ASIC2: variants seen among roughly 807,000 people sequenced by gnomAD.
ASIC2 encodes acid sensing ion channel subunit 2, also known as acid-sensing ion channel 2.
In ASIC2, 25 loss-of-function variants were observed where a neutral mutation model predicts 57.3. The observed-to-expected ratio is 0.44, with a 90% CI of 0.32 to 0.61. ASIC2 has a LOEUF of 0.61. ASIC2 is among the 20% of genes least tolerant of loss of function. The pLI is 0.06. For synonymous variants in ASIC2, 319 were observed against 307.5 expected (o/e 1.04, Z -0.39); for missense variants, 641 against 738.1 (o/e 0.87, Z 1.52).
In ASIC2 at chr17:33,344,996, AAAAC is replaced by A. The variant is rs529710794; in HGVS notation, c.556-232933_556-232930del. Among the ~76,000 whole-genome samples the A allele has an allele frequency of 1.1e-3, 175 of 152,262 alleles. 1 individual carries two copies. Among genetic ancestry groups the A allele is most frequent in the African/African-American group, 3.9e-3 (163 of 41,542 alleles). ...CAAACCAAAAGAACATTTCTAAAGC[AAAAC>A]AAACAAAGTTTAAAAAGAACTTTCC... On this transcript the variant is annotated intron_variant, in intron 1 of 9. Transcript: ENST00000359872.
chr17:33,606,691 CATGAATGAATGA>C (rs766008841), intron 1 of ASIC2, among the ~76,000 whole-genome samples: 1 of 152,218 alleles, frequency 6.6e-6, no homozygotes, highest in South Asian at 2.1e-4. Flanking sequence ...TTTACTGATT[CATGAATGAATGA>C]ATGAATGAAT....
chr17:33,283,084 T>C (rs761431499), intron 1 of ASIC2, among the ~76,000 whole-genome samples: 8 of 152,230 alleles, frequency 5.3e-5, no homozygotes, highest in Non-Finnish European at 8.8e-5. Context: ...CTGTTAACCC[T>C]GCTCTGGTGT....
chr17:33,669,359 C>G (rs1246864232), intron 1 of ASIC2, among the ~76,000 whole-genome samples: 1 of 152,112 alleles, frequency 6.6e-6, no homozygotes, highest in Non-Finnish European at 1.5e-5. Context: ...TTCACATGAG[C>G]AAAGTCCAAG....
chr17:33,014,009 G>A lies in ASIC2; in HGVS notation c.1648C>T (p.Pro550Ser), dbSNP rs375691699. Residue 550 changes from proline to serine, a missense_variant, in exon 10 of 10, where the codon CCC becomes TCC. By Grantham distance (74) the Pro-to-Ser change is moderately conservative. Around this residue, in one of 3 missense-constraint regions of ASIC2, gnomAD observed 252 missense variants for 319.8 expected, o/e 0.79. Coordinates refer to ENST00000225823, the MANE Select transcript of ASIC2 (RefSeq NM_183377.2). The part of the protein sequence containing the change: ...SETISHTVNV[P>S]LQTTLGTLEE... Reference sequence around the variant, plus strand: ...AAGGTCCCCAGGGTCGTCTGCAGGGGCACGTTCACAGTGTGACTGATGGTT... The same window carrying A: ...AAGGTCCCCAGGGTCGTCTGCAGGGACACGTTCACAGTGTGACTGATGGTT... 7.5e-5 allele frequency: 121 copies of A among 1,604,808 alleles called. No individual in the cohort carries two copies. Among genetic ancestry groups the A allele is most frequent in the Non-Finnish European group, 9.9e-5 (116 of 1,175,536 alleles).
chr17:33,895,025 G>A (rs1045977529), intron 1 of ASIC2, among the ~76,000 whole-genome samples: 1 of 152,130 alleles, frequency 6.6e-6, no homozygotes. Context: ...TTGACGTTGC[G>A]CTGCTGGGTT....
intron 1 of ASIC2, among the ~76,000 whole-genome samples, chr17:33,687,525 T>C (rs1325929048): frequency 6.6e-6 from 1 of 152,164 alleles, no homozygotes; most frequent in Non-Finnish European, 1.5e-5. Flanking sequence ...TGGTTGGAAG[T>C]CCCTGGTATT....
intron 1 of ASIC2, among the ~76,000 whole-genome samples, chr17:33,225,512 T>A (rs922397372): frequency 4.6e-5 from 7 of 152,186 alleles, no homozygotes; most frequent in Non-Finnish European, 5.9e-5. Context: ...AAATACAAAA[T>A]CATTAATAAG....
intron 1 of ASIC2, among the ~76,000 whole-genome samples, chr17:33,205,806 G>A (rs769778658): frequency 2.6e-5 from 4 of 152,188 alleles, no homozygotes; most frequent in Admixed American, 6.5e-5. Context: ...TGGCTGTGCC[G>A]TTTCTTGGCA....
chr17:34,031,498 C>T (rs984307683), intron 1 of ASIC2, among the ~76,000 whole-genome samples: 1 of 152,166 alleles, frequency 6.6e-6, no homozygotes, highest in Non-Finnish European at 1.5e-5. Context: ...AGCAATGGAA[C>T]AAAGCTGCAT....
At chr17:33,832,709 A>T (rs1289463227) in intron 1 of ASIC2, among the ~76,000 whole-genome samples, 1 of 152,192 alleles carries the variant, frequency 6.6e-6, no homozygotes, top group Non-Finnish European at 1.5e-5. Flanking sequence ...AAAGTTAAGT[A>T]TGTTTTTGCC....
intron 1 of ASIC2, among the ~76,000 whole-genome samples, chr17:33,830,509 T>C (rs1913069256): frequency 6.6e-6 from 1 of 151,628 alleles, no homozygotes; most frequent in Non-Finnish European, 1.5e-5. Context: ...TATTTTCTTA[T>C]GGCGTCTCCC....
At chr17:33,481,684 G>T (rs1262464046) in intron 1 of ASIC2, among the ~76,000 whole-genome samples, 1 of 151,900 alleles carries the variant, frequency 6.6e-6, no homozygotes. Context: ...CCTGCTCAAG[G>T]TTTTTTTAAA....
chr17:33,348,723 T>G (rs898013532), intron 1 of ASIC2, among the ~76,000 whole-genome samples: 6 of 152,072 alleles, frequency 3.9e-5, no homozygotes, highest in Non-Finnish European at 5.9e-5. Context: ...CTGATAGGAT[T>G]GGGCCTGTGA....
At position 33,304,770 on chromosome 17, in the gene ASIC2, G is replaced by A. The variant is rs116093781; in HGVS notation, c.556-192703C>T. ...ACCCATAATAAAAACAAACTCAGAT[G>A]CGAAACTGTCCCCAATCAGGTGGTG... On this transcript the variant is annotated intron_variant, in intron 1 of 9. Transcript: ENST00000359872. Among the ~76,000 whole-genome samples the A allele has an allele frequency of 2.6e-3, 398 of 152,246 alleles. 4 individuals carry two copies. The highest frequency in any genetic ancestry group is 9.3e-3 in the African/African-American group (385 of 41,530).
At chr17:33,878,045 T>G (rs1413511387) in intron 1 of ASIC2, among the ~76,000 whole-genome samples, 2 of 151,936 alleles carry the variant, frequency 1.3e-5, no homozygotes, top group Non-Finnish European at 2.9e-5. Flanking sequence ...GCAGCTGAGG[T>G]TCCTGACTGT....
chr17:33,688,427 GTTAAC>G (rs1172113941), intron 1 of ASIC2, among the ~76,000 whole-genome samples: 3 of 152,112 alleles, frequency 2.0e-5, no homozygotes, highest in Non-Finnish European at 1.5e-5. Context: ...CAGAATGAAT[GTTAAC>G]TTAACAGTAT....
intron 1 of ASIC2, among the ~76,000 whole-genome samples, chr17:33,518,473 G>A (rs1289360621): frequency 3.9e-5 from 6 of 152,182 alleles, no homozygotes; most frequent in Non-Finnish European, 8.8e-5. Context: ...GGGGCACCAT[G>A]AGCACTAAGC....
intron 1 of ASIC2, among the ~76,000 whole-genome samples, chr17:33,681,680 C>T (rs746714398): frequency 6.6e-6 from 1 of 152,224 alleles, no homozygotes; most frequent in Non-Finnish European, 1.5e-5. Flanking sequence ...TCCTGAAATC[C>T]TGAAATTTTC....
At chr17:33,510,770 C>A (rs1238149275) in intron 1 of ASIC2, among the ~76,000 whole-genome samples, 2 of 152,182 alleles carry the variant, frequency 1.3e-5, no homozygotes, top group African/African-American at 2.4e-5. Context: ...CCATTACCAC[C>A]CAGTACCCTG....
Sources: allele counts gnomAD v4.1 joint callset (sites outside exome capture counted in the v4.1 genomes callset), GRCh38; gene constraint gnomAD v4.1.1; regional missense constraint gnomAD v4.1.1; transcripts MANE v1.5; gene names NCBI Gene and HGNC (gene_info 2026-07-23, HGNC 2026-07-21).